Variants in GRIK3 observed in about 807,000 individuals in gnomAD.
The protein encoded by GRIK3 is glutamate ionotropic receptor kainate type subunit 3.
GRIK3 carries 29 observed loss-of-function variants against 102.5 expected under a neutral mutation model. The observed-to-expected ratio is 0.28, with a 90% CI of 0.21 to 0.39. The LOEUF is 0.39. GRIK3 is among the 10% of genes least tolerant of loss of function. The probability of loss-of-function intolerance (pLI) is 1.00; values close to 1 mark genes in which losing one functional copy is unlikely to be tolerated. For synonymous variants in GRIK3, 511 were observed against 504.9 expected (o/e 1.01, Z -0.16); for missense variants, 908 against 1,252.4 (o/e 0.73, Z 4.15).
At chr1:36,927,719 G>C (rs549786498) in intron 1 of GRIK3, among the ~76,000 whole-genome samples, 1 of 152,158 alleles carries the variant, frequency 6.6e-6, no homozygotes, top group Non-Finnish European at 1.5e-5. Flanking sequence ...ATCCATCTCC[G>C]CGCTGCAGAA....
At position 36,806,282 on chromosome 1, in the gene GRIK3, G is replaced by T. The variant is rs1231251916; in HGVS notation, c.2136C>A (p.Ser712Arg). 6.2e-7 allele frequency: 1 copy of T among 1,614,140 alleles called. No homozygotes were observed. The highest frequency in any genetic ancestry group is 1.7e-5 in the Admixed American group (1 of 60,028). The change falls in exon 14 of 16, where the codon AGC becomes AGA. Residue 712 changes from serine to arginine, a missense_variant. Physicochemically the swap from Ser to Arg is moderately radical, Grantham distance 110. This residue lies in a region of GRIK3 where 297 missense variants were observed against 362.7 expected (regional missense o/e 0.82). Coordinates refer to ENST00000373091, the MANE Select transcript of GRIK3 (RefSeq NM_000831.4). This position sits in a 1 kb window ranked among gnomAD's most constrained non-coding sequence, Gnocchi z 4.0. ...TCTTCACCAGCGCCGATGGCTTGCT[G>T]CTCATGAAGGCCCACATCTTCTCGA... ...STFEKMWAFM[S>R]SKPSALVKNN...
At chr1:36,873,264 T>G (rs928763252) in intron 3 of GRIK3, among the ~76,000 whole-genome samples, 3 of 152,204 alleles carry the variant, frequency 2.0e-5, no homozygotes, top group African/African-American at 7.2e-5. Flanking sequence ...TTTTGTTTTT[T>G]GTTTTTCCTC....
chr1:36,825,553 C>T, intron 11 of GRIK3, 50 bp downstream of exon 11: 1 of 1,318,934 alleles, frequency 7.6e-7, no homozygotes, highest in Non-Finnish European at 1.0e-6. Flanking sequence ...CCTGCCTAAC[C>T]CCTAGACCTT....
chr1:36,874,059 C>T (rs1396221814), intron 3 of GRIK3, among the ~76,000 whole-genome samples: 1 of 152,158 alleles, frequency 6.6e-6, no homozygotes, highest in African/African-American at 2.4e-5. Context: ...CAAATTGCTG[C>T]CCCCAAACTT....
chr1:36,822,055 T>C (rs756517609), intron 11 of GRIK3, among the ~76,000 whole-genome samples: 1 of 152,214 alleles, frequency 6.6e-6, no homozygotes, highest in Non-Finnish European at 1.5e-5. Flanking sequence ...ACTCCGCAGG[T>C]GTTTCTAACC....
chr1:36,911,002 G>T (rs918067369), intron 1 of GRIK3, among the ~76,000 whole-genome samples: 1 of 152,158 alleles, frequency 6.6e-6, no homozygotes, highest in South Asian at 2.1e-4. Flanking sequence ...ACGTCTTCAT[G>T]GGGGAGGCAG....
chr1:36,825,472 GTGGAAGAGGAGTGGGT>G, intron 11 of GRIK3, 115 bp downstream of exon 11: 3 of 553,716 alleles, frequency 5.4e-6, no homozygotes, highest in Non-Finnish European at 6.3e-6. Context: ...GCCATAGGGA[GTGGAAGAGGAGTGGGT>G]ACAGCAGTGG....
chr1:36,811,689 A>C (rs1642564509), intron 13 of GRIK3, among the ~76,000 whole-genome samples: 1 of 152,178 alleles, frequency 6.6e-6, no homozygotes, highest in Non-Finnish European at 1.5e-5. Context: ...ATTTCGGGGC[A>C]AGAGGAAAGG....
intron 1 of GRIK3, among the ~76,000 whole-genome samples, chr1:36,972,265 C>T (rs1384968629): frequency 2.6e-5 from 4 of 152,216 alleles, no homozygotes; most frequent in Non-Finnish European, 5.9e-5. Flanking sequence ...CTCCTTGGAG[C>T]CCCTAAGGAC....
At chr1:36,899,102 G>T (rs1641204740) in intron 1 of GRIK3, among the ~76,000 whole-genome samples, 1 of 152,000 alleles carries the variant, frequency 6.6e-6, no homozygotes, top group African/African-American at 2.4e-5. Context: ...TAGAACAAAG[G>T]CTTCATGAGA....
In GRIK3 at chr1:36,850,249, C is replaced by T. The variant is rs908980343; in HGVS notation, c.1326+62G>A. 12 of 1,039,300 alleles carry T rather than the reference C, an allele frequency of 1.2e-5. No individual in the cohort carries two copies. The highest frequency in any genetic ancestry group is 1.8e-5 in the Non-Finnish European group (12 of 657,094). 64.4% of individuals were successfully genotyped at this position (1,039,300 alleles called of 1,614,324 possible). A position where few individuals can be genotyped will look rare whatever the true frequency, so the allele number is the denominator to read the frequency against. On this transcript the variant is annotated intron_variant, in intron 9 of 15. Coordinates refer to ENST00000373091, the MANE Select transcript of GRIK3 (RefSeq NM_000831.4). This position sits in a 1 kb window ranked among gnomAD's most constrained non-coding sequence, Gnocchi z 4.0. ...GGGGGGGATAGAGGGGACTCTCCAG[C>T]CCGAACGGCCACCCCACCCCCAGGT...
chr1:36,976,829 G>C (rs959034014), intron 1 of GRIK3, among the ~76,000 whole-genome samples: 1 of 152,156 alleles, frequency 6.6e-6, no homozygotes, highest in East Asian at 1.9e-4. Context: ...CAGGGGTTAG[G>C]GTGGGCTGAT....
At chr1:36,920,934 C>T (rs1557426989) in intron 1 of GRIK3, among the ~76,000 whole-genome samples, 1 of 152,244 alleles carries the variant, frequency 6.6e-6, no homozygotes, top group African/African-American at 2.4e-5. Flanking sequence ...GCCTCCCGCC[C>T]CCTCCATGCA....
chr1:37,014,560 G>A (rs1232616847), intron 1 of GRIK3, among the ~76,000 whole-genome samples: 1 of 152,220 alleles, frequency 6.6e-6, no homozygotes, highest in Non-Finnish European at 1.5e-5. Context: ...AACTCCACCA[G>A]GTAACCTGTT....
Position 36,880,929 on chromosome 1 carries a change from G to C in GRIK3, c.293-38C>G. ...GTAGGGCAGCACAGGGGTCAGCACT[G>C]GGGCTGTGGGTATGGGGACAGTGAT... On this transcript the variant is annotated intron_variant, in intron 2 of 15. Transcript: ENST00000373091. This position sits in a 1 kb window ranked among gnomAD's most constrained non-coding sequence, Gnocchi z 5.4. 6.4e-7 allele frequency: 1 copy of C among 1,560,240 alleles called. No individual in the cohort carries two copies.
Position 36,864,570 on chromosome 1 carries a change from G to A in GRIK3, c.787-4553C>T, listed in dbSNP as rs115369777. 1.2e-3 allele frequency among the ~76,000 whole-genome samples: 176 copies of A among 152,114 alleles called. 3 individuals are homozygous for A. The highest frequency in any genetic ancestry group is 3.3e-3 in the African/African-American group (138 of 41,494). ...GTGAAGGGCAGCATCTCTGGCCTTG[G>A]TGGGAGCTTGGGTGCTGGTGGAACC... is the stretch of plus-strand genomic sequence containing the variant. On this transcript the variant is annotated intron_variant, in intron 5 of 15. Transcript: ENST00000373091.
intron 1 of GRIK3, among the ~76,000 whole-genome samples, chr1:37,016,157 C>A (rs1407002501): frequency 6.6e-6 from 1 of 152,228 alleles, no homozygotes; most frequent in East Asian, 1.9e-4. Context: ...CCATCTGTGA[C>A]TCTGGAATTC....
rs146051040 is a variant in GRIK3, at chr1:36,806,360, G to T, written c.2092-34C>A. ...TGAGGGAAGGGGTGATGCACACACC[G>T]TTACTAGGCGCACCAGGGACCAAGC... is the stretch of plus-strand genomic sequence containing the variant. On this transcript the variant is annotated intron_variant, in intron 13 of 15. Coordinates refer to ENST00000373091, the MANE Select transcript of GRIK3 (RefSeq NM_000831.4). The surrounding 1 kb of genome is among the most constrained non-coding windows in gnomAD (Gnocchi z 4.0). 1 of 1,394,376 alleles carries T rather than the reference G, an allele frequency of 7.2e-7. No individual in the cohort carries two copies. Among genetic ancestry groups the T allele is most frequent in the Non-Finnish European group, 1.0e-6 (1 of 990,020 alleles). The allele number at this position is 1,394,376 out of a possible 1,614,324, so 86.4% of individuals were successfully genotyped here.
chr1:36,859,876 A>C lies in GRIK3; in HGVS notation c.928T>G (p.Ser310Ala), dbSNP rs6691840. 441,579 of 1,613,172 alleles carry C rather than the reference A, an allele frequency of 0.27. 65,928 individuals carry two copies. The highest frequency in any genetic ancestry group is 0.57 in the African/African-American group (42,360 of 74,900). Residue 310 changes from serine to alanine, a missense_variant, in exon 6 of 16, where the codon TCC (serine) becomes GCC (alanine). Physicochemically the swap from Ser to Ala is moderately conservative, Grantham distance 99. This residue lies in a region of GRIK3 where 585 missense variants were observed against 824.9 expected (regional missense o/e 0.71). Transcript: ENST00000373091. ...SMERLQAAPR[S>A]ESGLLDGVMM... ...ACTCCATCCAGCAGGCCAGACTCGG[A>C]CCGGGGAGCTGCCTGCAGCCGCTCC...
Sources: allele counts gnomAD v4.1 joint callset (sites outside exome capture counted in the v4.1 genomes callset), GRCh38; gene constraint gnomAD v4.1.1; regional missense constraint gnomAD v4.1.1; non-coding constraint Gnocchi (gnomAD v3.1); transcripts MANE v1.5; gene names NCBI Gene and HGNC (gene_info 2026-07-23, HGNC 2026-07-21).